Variants in KIF26B observed in about 807,000 individuals in gnomAD.
KIF26B encodes kinesin family member 26B, also known as kinesin-like protein KIF26B.
In KIF26B, 63 loss-of-function variants were observed where a neutral mutation model predicts 151.2. The ratio of observed to expected loss-of-function variants is 0.42; its 90% CI spans 0.34 to 0.51. The LOEUF is 0.51. Ranked by LOEUF, KIF26B falls within the 20% of genes least tolerant of loss-of-function variation. The probability of loss-of-function intolerance (pLI) is 0.07; values close to 1 mark genes in which losing one functional copy is unlikely to be tolerated. For missense variants in KIF26B, 2,813 were observed against 2,913.6 expected (o/e 0.97, Z 0.79); for synonymous variants, 1,357 against 1,262.1 (o/e 1.08, Z -1.59).
chr1:245,456,843 T>TTTTTTA (rs1213220733), intron 4 of KIF26B, among the ~76,000 whole-genome samples: 1 of 152,220 alleles, frequency 6.6e-6, no homozygotes, highest in East Asian at 1.9e-4. Flanking sequence ...TGCTTTTTCA[T>TTTTTTA]TTTTTATTTT....
intron 4 of KIF26B, among the ~76,000 whole-genome samples, chr1:245,447,579 C>T (rs762406540): frequency 6.6e-6 from 1 of 151,930 alleles, no homozygotes; most frequent in Non-Finnish European, 1.5e-5. Context: ...AGGTGGGAGG[C>T]GGGGCTGGAC....
chr1:245,686,429 A>G lies in KIF26B; in HGVS notation c.3446A>G (p.Glu1149Gly). 1 of 1,613,430 alleles carries G rather than the reference A, an allele frequency of 6.2e-7. No homozygotes were observed. The highest frequency in any genetic ancestry group is 8.5e-7 in the Non-Finnish European group (1 of 1,179,898). Reference sequence around the variant, plus strand: ...TCTGCTGGGAGCGAAGGGTTCCCGGAAACTCCTGTCGATGATGAGCAGCAG... The same window carrying G: ...TCTGCTGGGAGCGAAGGGTTCCCGGGAACTCCTGTCGATGATGAGCAGCAG... ...SMSAGSEGFPETPVDDEQQAA... is the reference protein window; with the variant it reads ...SMSAGSEGFPGTPVDDEQQAA... Residue 1149 changes from glutamate (E) to glycine (G), a missense_variant, in exon 12 of 15, where the codon GAA (glutamate) becomes GGA (glycine). By Grantham distance (98) the Glu-to-Gly change is moderately conservative. Transcript: ENST00000407071. The surrounding 1 kb of genome is among the most constrained non-coding windows in gnomAD (Gnocchi z 5.6).
chr1:245,691,973 G>A (rs1418340750), intron 12 of KIF26B, among the ~76,000 whole-genome samples: 1 of 152,124 alleles, frequency 6.6e-6, no homozygotes, highest in Non-Finnish European at 1.5e-5. Context: ...GACCTTTGGG[G>A]AATAACTGTC....
chr1:245,350,830 A>G (rs902689763), intron 2 of KIF26B, among the ~76,000 whole-genome samples: 2 of 152,114 alleles, frequency 1.3e-5, no homozygotes, highest in African/African-American at 4.8e-5. Context: ...CAGTGTATAT[A>G]TGTGTGAAGT....
intron 5 of KIF26B, among the ~76,000 whole-genome samples, chr1:245,550,228 A>T (rs150143157): frequency 6.6e-6 from 1 of 152,340 alleles, no homozygotes; most frequent in East Asian, 1.9e-4. Context: ...TTAAGCAACA[A>T]CAGTGAATGC....
At chr1:245,451,364 T>A (rs895078587) in intron 4 of KIF26B, among the ~76,000 whole-genome samples, 3 of 152,012 alleles carry the variant, frequency 2.0e-5, no homozygotes, top group African/African-American at 7.2e-5. Context: ...TAATATCAAA[T>A]TTTTAAATTT....
chr1:245,668,242 C>T (rs924177618), intron 10 of KIF26B, among the ~76,000 whole-genome samples: 1 of 152,234 alleles, frequency 6.6e-6, no homozygotes, highest in South Asian at 2.1e-4. Flanking sequence ...TGAGAAACGG[C>T]TCAGTTAGGG....
Position 245,483,083 on chromosome 1 carries a change from G to C in KIF26B, c.1167-57684G>C, listed in dbSNP as rs188269868. Among the ~76,000 whole-genome samples the C allele has an allele frequency of 8.0e-4, 122 of 151,782 alleles. 1 individual carries two copies. Among genetic ancestry groups the C allele is most frequent in the African/African-American group, 2.4e-3 (101 of 41,492 alleles). On this transcript the variant is annotated intron_variant, in intron 4 of 14. Coordinates refer to ENST00000407071, the MANE Select transcript of KIF26B (RefSeq NM_018012.4). The stretch of plus-strand genomic sequence containing the variant: ...TTGGAAGTTGGGGAAGCAGGTGCCG[G>C]ACAAAGCTCTGGGTCGTCTTCTTTT...
chr1:245,212,830 A>T (rs1035027741), intron 2 of KIF26B, among the ~76,000 whole-genome samples: 1 of 152,248 alleles, frequency 6.6e-6, no homozygotes, highest in Admixed American at 6.5e-5. Flanking sequence ...GGAGCACTTC[A>T]TACCCATGAA....
chr1:245,449,556 G>A (rs1269878710), intron 4 of KIF26B, among the ~76,000 whole-genome samples: 1 of 152,198 alleles, frequency 6.6e-6, no homozygotes. Context: ...CTCTGTGGCT[G>A]ACGTGTGCGT....
chr1:245,636,416 T>C (rs990181458), intron 9 of KIF26B, among the ~76,000 whole-genome samples: 3 of 151,932 alleles, frequency 2.0e-5, no homozygotes, highest in Non-Finnish European at 4.4e-5. Context: ...AAATTGTGTG[T>C]CATAGTTGTA....
chr1:245,655,345 C>T (rs1444725332), intron 10 of KIF26B, among the ~76,000 whole-genome samples: 1 of 152,220 alleles, frequency 6.6e-6, no homozygotes, highest in Non-Finnish European at 1.5e-5. Context: ...CTTTCAGAAT[C>T]GTGTAACCCA....
chr1:245,286,843 C>T (rs561755618), intron 2 of KIF26B, among the ~76,000 whole-genome samples: 43 of 152,206 alleles, frequency 2.8e-4, no homozygotes, highest in South Asian at 1.9e-3. Flanking sequence ...TGCGGTGGCT[C>T]ACGCCTGTAA....
rs372339748 is a variant in KIF26B at position 245,588,792 on chromosome 1, A to G, written c.1351-13785A>G. On this transcript the variant is annotated intron_variant, in intron 5 of 14. Coordinates refer to ENST00000407071, the MANE Select transcript of KIF26B (RefSeq NM_018012.4). ...GCATTGTACATACTGTGTGTTCAAC[A>G]CATGCTGAGTGGAATTGAACAGATG... 1.7e-4 allele frequency among the ~76,000 whole-genome samples: 26 copies of G among 152,264 alleles called. No individual in the cohort carries two copies. The East Asian group carries it at 3.7e-3, about 21-fold the overall frequency.
intron 4 of KIF26B, among the ~76,000 whole-genome samples, chr1:245,509,613 TC>T (rs1660791222): frequency 6.6e-6 from 1 of 152,206 alleles, no homozygotes; most frequent in African/African-American, 2.4e-5. Flanking sequence ...CTCCAGAAAC[TC>T]CTGCCTGCAG....
chr1:245,281,805 T>G (rs1417900416), intron 2 of KIF26B, among the ~76,000 whole-genome samples: 1 of 152,162 alleles, frequency 6.6e-6, no homozygotes, highest in East Asian at 1.9e-4. Context: ...AGGGATCCAG[T>G]TTCAGCTTTC....
intron 2 of KIF26B, among the ~76,000 whole-genome samples, chr1:245,188,151 ACGCTTGTAATCCCAGCTACTTG>A (rs1321116422): frequency 1.3e-5 from 2 of 151,998 alleles, no homozygotes. Flanking sequence ...GTGGTGGCAC[ACGCTTGTAATCCCAGCTACTTG>A]GGAGGCTAAG....
In KIF26B at chr1:245,703,686, G is replaced by GTAGAT. The variant is rs762966007; in HGVS notation, c.*1082_*1086dup. The GTAGAT allele has an allele frequency of 6.6e-6, 1 of 152,192 alleles. No homozygotes were observed. Among genetic ancestry groups the GTAGAT allele is most frequent in the African/African-American group, 2.4e-5 (1 of 41,446 alleles). 9.4% of individuals were successfully genotyped at this position (152,192 alleles called of 1,614,324 possible). A position where few individuals can be genotyped will look rare whatever the true frequency, so the allele number is the denominator to read the frequency against. On this transcript the variant is annotated 3_prime_UTR_variant, in exon 15 of 15. Transcript: ENST00000407071. ...CTTTAGTATTTTCTAGTGTTGTGTT[G>GTAGAT]TAGATTGATTAAAGTGGGTTTTTCC...
At chr1:245,268,070 A>G (rs2102961581) in intron 2 of KIF26B, among the ~76,000 whole-genome samples, 1 of 152,262 alleles carries the variant, frequency 6.6e-6, no homozygotes, top group East Asian at 1.9e-4. Flanking sequence ...ACTTCGGGAC[A>G]TGGGGGTGGA....
Sources: gnomAD v4.1 joint callset for allele counts (sites outside exome capture counted in the v4.1 genomes callset) on GRCh38, gnomAD v4.1.1 for gene constraint, Gnocchi (gnomAD v3.1) non-coding constraint, MANE v1.5 for transcripts, NCBI Gene and HGNC (gene_info 2026-07-23, HGNC 2026-07-21) for gene names.